The following B4GALNT1 variants were observed in gnomAD, a reference collection of about 807,000 sequenced individuals.
B4GALNT1 encodes beta-1,4-N-acetyl-galactosaminyltransferase 1.
Under a neutral mutation model 55.2 loss-of-function variants are expected in B4GALNT1, and 43 were observed. That is an observed-to-expected ratio of 0.78 (90% confidence interval 0.61 to 1.00). The LOEUF is 1.00. Ranked by LOEUF, B4GALNT1 falls within the 50% of genes least tolerant of loss-of-function variation. The pLI is 0.00. For missense variants in B4GALNT1, 664 were observed against 729.7 expected, an observed-to-expected ratio of 0.91 and a Z score of 1.04; for synonymous variants, 305 against 311.6, an observed-to-expected ratio of 0.98 and a Z score of 0.22.
Position 57,628,801 on chromosome 12 carries a change from G to A in B4GALNT1, c.914C>T (p.Thr305Met), listed in dbSNP as rs199605688. 83 of 1,614,120 alleles carry A rather than the reference G, an allele frequency of 5.1e-5. No homozygotes were observed. Among genetic ancestry groups the A allele is most frequent in the Middle Eastern group, 1.6e-4 (1 of 6,084 alleles). Residue 305 changes from threonine (T) to methionine (M), a missense_variant, in exon 8 of 11, where the codon ACG (threonine) becomes ATG (methionine). Physicochemically the swap from Thr to Met is moderately conservative, Grantham distance 81 (BLOSUM62 -1). Transcript: ENST00000341156. ...LITSIRRFYP[T>M]VTVVIADDSD... ...GTCGTCAGCGATGACCACGGTAACC[G>A]TTGGGTAGAAGCGGCGGATACTGGT... is the stretch of plus-strand genomic sequence containing the variant.
chr12:57,624,150 C>G lies in B4GALNT1; in HGVS notation c.*2594G>C, dbSNP rs779401871. 20 of 1,558,162 alleles carry G rather than the reference C, an allele frequency of 1.3e-5. No homozygotes were observed. In the African/African-American group the frequency reaches 2.7e-4, roughly 21 times the overall value. ...GCCCCCTCTCATCTTGTTAGCATCC[C>G]CAGCCTCTGCCCTGAACCAAACCTA... On this transcript the variant is annotated 3_prime_UTR_variant, in exon 11 of 11. Coordinates refer to ENST00000341156, the MANE Select transcript of B4GALNT1 (RefSeq NM_001478.5).
chr12:57,627,414 A>T (rs1421796142), intron 10 of B4GALNT1, among the ~76,000 whole-genome samples: 3 of 79,816 alleles, frequency 3.8e-5, no homozygotes, highest in African/African-American at 1.0e-4. Flanking sequence ...ATATTTATAA[A>T]AAAAAAAAAA....
chr12:57,632,180 G>A, intron 1 of B4GALNT1, 47 bp from the exon 2 acceptor site: 1 of 1,494,350 alleles, frequency 6.7e-7, no homozygotes, highest in Non-Finnish European at 9.1e-7. Context: ...GAAGAAGGGA[G>A]GGCAAGGGAT....
intron 2 of B4GALNT1, 91 bp downstream of exon 2, chr12:57,631,824 T>C: frequency 1.6e-6 from 2 of 1,218,418 alleles, no homozygotes. Context: ...GTTAGGAGAA[T>C]GCAGGCATCT....
chr12:57,629,974 A>G (rs1249841606), intron 6 of B4GALNT1, 178 bp downstream of exon 6: 1 of 1,538,162 alleles, frequency 6.5e-7, no homozygotes, highest in South Asian at 1.2e-5. Flanking sequence ...CCCCAGATGA[A>G]CAAAGGCCCC....
chr12:57,631,160 T>C (rs1885182320), intron 3 of B4GALNT1, 40 bp downstream of exon 3: 2 of 1,613,300 alleles, frequency 1.2e-6, no homozygotes, highest in Admixed American at 1.7e-5. Flanking sequence ...CAATCACTGC[T>C]CTCCCCCTGA....
chr12:57,624,229 C>G lies in B4GALNT1; in HGVS notation c.*2515G>C. 1 of 830,522 alleles carries G rather than the reference C, an allele frequency of 1.2e-6. No homozygotes were observed. Among genetic ancestry groups the G allele is most frequent in the Non-Finnish European group, 1.9e-6 (1 of 521,562 alleles). 51.4% of individuals were successfully genotyped at this position (830,522 alleles called of 1,614,324 possible). ...ACCCACTCCCCCAGCAAACATAACTCCTAGTATGCTTTACTCACAGGCAAG... is the reference window on the plus strand; with the variant it reads ...ACCCACTCCCCCAGCAAACATAACTGCTAGTATGCTTTACTCACAGGCAAG... On this transcript the variant is annotated 3_prime_UTR_variant, in exon 11 of 11. Coordinates refer to ENST00000341156, the MANE Select transcript of B4GALNT1 (RefSeq NM_001478.5).
rs1885027657 is a variant in B4GALNT1 at position 57,628,962 on chromosome 12, T to G, written c.812-59A>C. On this transcript the variant is annotated intron_variant, in intron 7 of 10. Transcript: ENST00000341156. ...AGGAGGGTTGGGAGAGGGGAACAGG[T>G]AGATATCCCCTCCCAGGACTGCCCT... 66 of 1,602,506 alleles carry G rather than the reference T, an allele frequency of 4.1e-5. No homozygotes were observed. In the South Asian group the frequency reaches 7.3e-4, roughly 18 times the overall value.
rs771698791 is a variant in B4GALNT1, at chr12:57,628,145, GCACGTC to G, written c.1114_1119del (p.Asp372_Val373del). 1.2e-6 allele frequency: 2 copies of G among 1,614,068 alleles called. No homozygotes were observed. Among genetic ancestry groups the G allele is most frequent in the Middle Eastern group, 3.3e-4 (2 of 6,062 alleles). ...ACCAGGTCCAGCGGCGTCCGCTCCA[GCACGTC>G]CACAAGCCTCTCCAGCCGCGTCCGC... On this transcript the variant is annotated inframe_deletion, in exon 9 of 11. Coordinates refer to ENST00000341156, the MANE Select transcript of B4GALNT1 (RefSeq NM_001478.5).
chr12:57,630,841 C>A lies in B4GALNT1; in HGVS notation c.490+139G>T. On this transcript the variant is annotated intron_variant, in intron 4 of 10. Coordinates refer to ENST00000341156, the MANE Select transcript of B4GALNT1 (RefSeq NM_001478.5). ...CTGTCCTCACTTCCCACCTCCTAAGCCGCCGTTTGAGCTTAAGTCCCCCAT... is the reference window on the plus strand; with the variant it reads ...CTGTCCTCACTTCCCACCTCCTAAGACGCCGTTTGAGCTTAAGTCCCCCAT... The A allele has an allele frequency of 4.7e-6, 4 of 850,544 alleles. No homozygotes were observed. The South Asian group carries it at 4.9e-5, about 10-fold the overall frequency. 52.7% of individuals were successfully genotyped at this position (850,544 alleles called of 1,614,324 possible).
chr12:57,623,416 A>C lies in B4GALNT1; in HGVS notation c.*3328T>G. The C allele has an allele frequency of 2.2e-5, 11 of 491,692 alleles. No individual in the cohort carries two copies. In the South Asian group the frequency reaches 3.4e-4, roughly 15 times the overall value. 30.5% of individuals were successfully genotyped at this position (491,692 alleles called of 1,614,324 possible). On this transcript the variant is annotated 3_prime_UTR_variant, in exon 11 of 11. Transcript: ENST00000341156. ...AAACACAAAACTATAAAATAAACTT[A>C]AGAGATAAAATTCTTATTTTTTTCA...
In B4GALNT1 at chr12:57,628,726, A is replaced by C. The variant is rs770320937; in HGVS notation, c.989T>G (p.Met330Arg). The C allele has an allele frequency of 3.0e-5, 49 of 1,614,110 alleles. No individual in the cohort carries two copies. The highest frequency in any genetic ancestry group is 7.6e-6 in the Non-Finnish European group (9 of 1,180,050). Residue 330 changes from methionine (M) to arginine (R), a missense_variant, in exon 8 of 11, where the codon ATG becomes AGG. By Grantham distance (91) the Met-to-Arg change is moderately conservative. Coordinates refer to ENST00000341156, the MANE Select transcript of B4GALNT1 (RefSeq NM_001478.5). ...CTAGCTGCACACCTTGCCGAAGGGC[A>C]TGAGATAGTGTTCCACGTAGGGGCC... ...VSGPYVEHYLMPFGKGWFAGR... is the reference protein window; with the variant it reads ...VSGPYVEHYLRPFGKGWFAGR...
intron 10 of B4GALNT1, among the ~76,000 whole-genome samples, 198 bp downstream of exon 10, chr12:57,627,420 A>G (rs1300126483): frequency 2.0e-5 from 3 of 151,984 alleles, no homozygotes; most frequent in South Asian, 2.1e-4. Context: ...ATAAAAAAAA[A>G]AAAAGAGTAT....
chr12:57,626,530 G>T lies in B4GALNT1; in HGVS notation c.*214C>A. On this transcript the variant is annotated 3_prime_UTR_variant, in exon 11 of 11. Transcript: ENST00000341156. ...GGACTTGGCACTGGCTGTGGGAGAG[G>T]TTATGGCTCCACCAGGCCTCTGGGC... The T allele has an allele frequency of 1.7e-6, 1 of 594,822 alleles. No homozygotes were observed. The highest frequency in any genetic ancestry group is 3.0e-6 in the Non-Finnish European group (1 of 335,804). 36.8% of individuals were successfully genotyped at this position (594,822 alleles called of 1,614,324 possible).
At position 57,626,863 on chromosome 12, in the gene B4GALNT1, C is replaced by T; in HGVS notation, c.1483G>A (p.Asp495Asn). ...CGGGCGTAAGTCTCTGCTCCGGCAT[C>T]CCTTGATGTCCAAGGCAGCTTCAGT... is the stretch of plus-strand genomic sequence containing the variant. The part of the protein sequence containing the change: ...SKLKLPWTSR[D>N]AGAETYARYR... Residue 495 changes from aspartate to asparagine, a missense_variant, in exon 11 of 11, where the codon GAT becomes AAT. Asp to Asn is a conservative substitution (Grantham distance 23). Transcript: ENST00000341156. 6.2e-7 allele frequency: 1 copy of T among 1,614,208 alleles called. No homozygotes were observed. The highest frequency in any genetic ancestry group is 8.5e-7 in the Non-Finnish European group (1 of 1,180,046).
Position 57,625,694 on chromosome 12 carries a change from G to C in B4GALNT1, c.*1050C>G. 1 of 1,554,964 alleles carries C rather than the reference G, an allele frequency of 6.4e-7. No homozygotes were observed. The highest frequency in any genetic ancestry group is 8.7e-7 in the Non-Finnish European group (1 of 1,152,334). On this transcript the variant is annotated 3_prime_UTR_variant, in exon 11 of 11. Transcript: ENST00000341156. ...CTTATGCCCTGGGGAGCCTGTTAAG[G>C]GGCAGTAGCACCAGGAGCGGGAGCC...
At position 57,630,169 on chromosome 12, in the gene B4GALNT1, G is replaced by T. The variant is rs1251333526; in HGVS notation, c.695C>A (p.Thr232Asn). 5 of 1,614,102 alleles carry T rather than the reference G, an allele frequency of 3.1e-6. No individual in the cohort carries two copies. The highest frequency in any genetic ancestry group is 4.2e-6 in the Non-Finnish European group (5 of 1,180,040). ...CCTTGCACCTGTGTCTGCTGTGTTGGTCTGGTAGCTTCGGCTGCTGTAAGT... is the reference window on the plus strand; with the variant it reads ...CCTTGCACCTGTGTCTGCTGTGTTGTTCTGGTAGCTTCGGCTGCTGTAAGT... The part of the protein sequence containing the change: ...LVTYSSRSYQ[T>N]NTADTVRFST... Residue 232 changes from threonine (T) to asparagine (N), a missense_variant, in exon 6 of 11, where the codon ACC (threonine) becomes AAC (asparagine). By Grantham distance (65) the Thr-to-Asn change is moderately conservative (BLOSUM62 0). Transcript: ENST00000341156.
In B4GALNT1 at chr12:57,627,810, G is replaced by T; in HGVS notation, c.1192C>A (p.Gln398Lys). 1 of 1,594,580 alleles carries T rather than the reference G, an allele frequency of 6.3e-7. No homozygotes were observed. The highest frequency in any genetic ancestry group is 2.3e-5 in the East Asian group (1 of 44,212). ...EISGFATTYR[Q>K]LLSVEPGAPG... ...GCGCCGGGCTCCACGCTCAGCAGCT[G>T]CCGATAAGTGGTGGCAAAGCCGGAG... Residue 398 changes from glutamine to lysine, a missense_variant, in exon 10 of 11, where the codon CAG (glutamine) becomes AAG (lysine). Physicochemically the swap from Gln to Lys is moderately conservative, Grantham distance 53. Transcript: ENST00000341156.
chr12:57,626,115 G>C lies in B4GALNT1; in HGVS notation c.*629C>G, dbSNP rs961307970. 5 of 188,662 alleles carry C rather than the reference G, an allele frequency of 2.7e-5. No individual in the cohort carries two copies. The highest frequency in any genetic ancestry group is 5.5e-5 in the Non-Finnish European group (5 of 91,194). 11.7% of individuals were successfully genotyped at this position (188,662 alleles called of 1,614,324 possible). ...TGACCCTTGAACCCCCTTACCTAAC[G>C]TAACTAATAAAATGAAGCTGAGAGC... On this transcript the variant is annotated 3_prime_UTR_variant, in exon 11 of 11. Coordinates refer to ENST00000341156, the MANE Select transcript of B4GALNT1 (RefSeq NM_001478.5).
Sources: gnomAD v4.1 joint callset for allele counts (sites outside exome capture counted in the v4.1 genomes callset) on GRCh38, gnomAD v4.1.1 for gene constraint, MANE v1.5 for transcripts, NCBI Gene and HGNC (gene_info 2026-07-23, HGNC 2026-07-21) for gene names.